DOT1L: variants seen among roughly 807,000 people sequenced by gnomAD.
DOT1L encodes DOT1 like histone lysine methyltransferase.
DOT1L carries 33 observed loss-of-function variants against 153.3 expected under a neutral mutation model. That is an observed-to-expected ratio of 0.22 (90% CI 0.16 to 0.29). The LOEUF (loss-of-function observed/expected upper bound fraction) is 0.29. Ranked by LOEUF, DOT1L falls within the 10% of genes least tolerant of loss-of-function variation. The pLI, the probability that DOT1L is intolerant of heterozygous loss-of-function variation, is 1.00. For missense variants in DOT1L, 1,847 were observed against 2,119.9 expected (o/e 0.87, Z 2.53); for synonymous variants, 1,135 against 965.1 (o/e 1.18, Z -3.26).
chr19:2,219,601 G>A (rs2024037405), intron 22 of DOT1L, among the ~76,000 whole-genome samples: 2 of 152,236 alleles, frequency 1.3e-5, no homozygotes, highest in Non-Finnish European at 2.9e-5. Flanking sequence ...GTGGATGTAG[G>A]TTTGCTCTTT....
intron 1 of DOT1L, among the ~76,000 whole-genome samples, chr19:2,168,775 C>T (rs2020021303): frequency 6.6e-6 from 1 of 152,082 alleles, no homozygotes. Context: ...CCACCACGCC[C>T]AGCTAATTTT....
At chr19:2,210,944 G>C (rs996563745) in intron 14 of DOT1L, 89 bp downstream of exon 14, 4 of 1,506,826 alleles carry the variant, frequency 2.7e-6, no homozygotes, top group Non-Finnish European at 3.6e-6. Context: ...CCTGAGCCCC[G>C]TGTGTTCAGG....
At position 2,222,146 on chromosome 19, in the gene DOT1L, C is replaced by A. The variant is rs1599614684; in HGVS notation, c.2977C>A (p.Gln993Lys). 1 of 1,612,970 alleles carries A rather than the reference C, an allele frequency of 6.2e-7. No individual in the cohort carries two copies. Among genetic ancestry groups the A allele is most frequent in the Non-Finnish European group, 8.5e-7 (1 of 1,179,894 alleles). The part of the protein sequence containing the change: ...STPQHPLLLA[Q>K]PRNSLPASPA... ...GCCACAGCACCCCCTGCTGCTGGCA[C>A]AGCCCCGGAACTCGCTTCCTGCCTC... The change falls in exon 24 of 28, where the codon CAG becomes AAG. Residue 993 changes from glutamine (Q) to lysine (K), a missense_variant. By Grantham distance (53) the Gln-to-Lys change is moderately conservative. Transcript: ENST00000398665. The surrounding 1 kb of genome is among the most constrained non-coding windows in gnomAD (Gnocchi z 6.5).
At chr19:2,195,034 T>C (rs551705131) in intron 7 of DOT1L, among the ~76,000 whole-genome samples, 2 of 152,266 alleles carry the variant, frequency 1.3e-5, no homozygotes, top group East Asian at 3.9e-4. Flanking sequence ...CCTGTTGTGA[T>C]GCAGTCTCAG....
At position 2,226,343 on chromosome 19, in the gene DOT1L, G is replaced by T; in HGVS notation, c.3822G>T (p.Thr1274=). Residue 1274 remains threonine (T), a synonymous_variant, in exon 27 of 28, where the codon ACG becomes ACT. Transcript: ENST00000398665. ...CCCTCAGCCAGAACTCCCTGTTCAC[G>T]TTCCGGCCCGCCCTGGAGGAGCCCT... ...SSALSQNSLF[T]FRPALEEPSA... is the part of the protein sequence containing the mutation. The T allele has an allele frequency of 1.9e-6, 3 of 1,593,312 alleles. No individual in the cohort carries two copies. The highest frequency in any genetic ancestry group is 2.6e-6 in the Non-Finnish European group (3 of 1,171,966).
intron 27 of DOT1L, 193 bp from the exon 28 acceptor site, chr19:2,229,592 G>A: frequency 3.0e-6 from 3 of 985,474 alleles, no homozygotes; most frequent in Non-Finnish European, 2.4e-6. Context: ...CAGGTGTCAG[G>A]CTCCCTGGTC....
intron 26 of DOT1L, 88 bp from the exon 27 acceptor site, chr19:2,226,095 C>G (rs2024318046): frequency 7.1e-7 from 1 of 1,406,858 alleles, no homozygotes; most frequent in Non-Finnish European, 9.4e-7. Context: ...GCAGAGTTGC[C>G]CGGGCCGTGG....
Position 2,220,009 on chromosome 19 carries a change from C to A in DOT1L, c.2692-99C>A. Reference sequence around the variant, plus strand: ...CTGGACGGTGACCCCGGCGGCCTCCCCCAGCCAGCTGCAGGCCTCAACACT... The same window carrying A: ...CTGGACGGTGACCCCGGCGGCCTCCACCAGCCAGCTGCAGGCCTCAACACT... On this transcript the variant is annotated intron_variant, in intron 22 of 27. Coordinates refer to ENST00000398665, the MANE Select transcript of DOT1L (RefSeq NM_032482.3). This position sits in a 1 kb window ranked among gnomAD's most constrained non-coding sequence, Gnocchi z 4.5. 8.6e-7 allele frequency: 1 copy of A among 1,166,970 alleles called. No homozygotes were observed. The highest frequency in any genetic ancestry group is 1.2e-6 in the Non-Finnish European group (1 of 830,982). The allele number at this position is 1,166,970 out of a possible 1,614,324, so 72.3% of individuals were successfully genotyped here. A position where few individuals can be genotyped will look rare whatever the true frequency, so the allele number is the denominator to read the frequency against.
chr19:2,184,096 G>A (rs989371757), intron 2 of DOT1L, among the ~76,000 whole-genome samples: 3 of 152,306 alleles, frequency 2.0e-5, no homozygotes, highest in East Asian at 3.9e-4. Context: ...CCGTGCGGCC[G>A]CTCCTTTCAG....
chr19:2,221,257 G>T (rs1447773791), intron 23 of DOT1L: 1 of 153,082 alleles, frequency 6.5e-6, no homozygotes, highest in South Asian at 2.1e-4. Flanking sequence ...GGCTGGGCAG[G>T]CTTCACGGTT....
chr19:2,171,456 G>C (rs1477153152), intron 1 of DOT1L, among the ~76,000 whole-genome samples: 3 of 152,166 alleles, frequency 2.0e-5, no homozygotes, highest in African/African-American at 4.8e-5. Context: ...GGGGACACCT[G>C]GTGGCGTCTA....
intron 26 of DOT1L, 112 bp from the exon 27 acceptor site, chr19:2,226,071 G>A (rs1043292823): frequency 4.0e-5 from 49 of 1,236,010 alleles, no homozygotes; most frequent in Non-Finnish European, 5.2e-5. Flanking sequence ...GAGTGTCTGT[G>A]ACCAGCCCTG....
At chr19:2,206,893 C>G (rs1314331547) in intron 10 of DOT1L, 96 bp downstream of exon 10, 1 of 1,285,892 alleles carries the variant, frequency 7.8e-7, no homozygotes, top group African/African-American at 1.5e-5. Context: ...CCTGTGGACA[C>G]TGGGGCTGGA....
chr19:2,200,060 C>G, intron 8 of DOT1L, 121 bp downstream of exon 8: 1 of 1,308,994 alleles, frequency 7.6e-7, no homozygotes, highest in Non-Finnish European at 1.1e-6. Context: ...AGGAAAGAGG[C>G]CGGTGGGGAC....
rs374216728 is a variant in DOT1L at position 2,223,502 on chromosome 19, C to T, written c.3596+16C>T. Reference sequence around the variant, plus strand: ...GCAGTGCTCGGCGAGTCCAGGGGCCCGGAGGGGGGCGGGGCCTGGCAGCAG... The same window carrying T: ...GCAGTGCTCGGCGAGTCCAGGGGCCTGGAGGGGGGCGGGGCCTGGCAGCAG... On this transcript the variant is annotated intron_variant, in intron 25 of 27. Coordinates refer to ENST00000398665, the MANE Select transcript of DOT1L (RefSeq NM_032482.3). The T allele has an allele frequency of 4.8e-5, 60 of 1,248,602 alleles. No homozygotes were observed. The African/African-American group carries it at 6.7e-4, about 14-fold the overall frequency. 77.3% of individuals were successfully genotyped at this position (1,248,602 alleles called of 1,614,324 possible). A position where few individuals can be genotyped will look rare whatever the true frequency, so the allele number is the denominator to read the frequency against.
intron 27 of DOT1L, chr19:2,229,424 G>A (rs1323262513): frequency 2.0e-6 from 2 of 985,358 alleles, no homozygotes; most frequent in Non-Finnish European, 2.4e-6. Context: ...GGCGGAGGCT[G>A]TGGCCAGGGC....
rs568190045 is a variant in DOT1L, at chr19:2,179,971, C to T, written c.82-742C>T. The stretch of plus-strand genomic sequence containing the variant: ...TGGCGTGCACTTGGTCTCTGATTCT[C>T]GGTGATGGGTGTGGAGTCGGAGAGG... On this transcript the variant is annotated intron_variant, in intron 1 of 27. Transcript: ENST00000398665. Among the ~76,000 whole-genome samples, 247 of 152,186 alleles carry T rather than the reference C, an allele frequency of 1.6e-3. 1 individual carries two copies. Among genetic ancestry groups the T allele is most frequent in the African/African-American group, 5.5e-3 (229 of 41,524 alleles).
intron 27 of DOT1L, chr19:2,228,037 C>T (rs1200976285): frequency 1.5e-5 from 20 of 1,303,292 alleles, no homozygotes; most frequent in Non-Finnish European, 1.7e-5. Flanking sequence ...ACGCTGCTGG[C>T]CTCTAACCCT....
intron 2 of DOT1L, among the ~76,000 whole-genome samples, chr19:2,182,540 A>G (rs1246546072): frequency 1.3e-5 from 2 of 151,962 alleles, no homozygotes; most frequent in Non-Finnish European, 2.9e-5. Flanking sequence ...ACAAAACCCA[A>G]ACAAGAAAGA....
Sources: allele counts gnomAD v4.1 joint callset (sites outside exome capture counted in the v4.1 genomes callset), GRCh38; gene constraint gnomAD v4.1.1; non-coding constraint Gnocchi (gnomAD v3.1); transcripts MANE v1.5; gene names NCBI Gene and HGNC (gene_info 2026-07-23, HGNC 2026-07-21).